The following CCND3 variants were observed in gnomAD, a reference collection of about 807,000 sequenced individuals.
CCND3 encodes the protein G1/S-specific cyclin-D3.
CCND3 carries 9 observed loss-of-function variants against 28.7 expected under a neutral mutation model. The ratio of observed to expected loss-of-function variants is 0.31; its 90% CI spans 0.19 to 0.55. The LOEUF (loss-of-function observed/expected upper bound fraction) is 0.55, where lower values mean the gene tolerates loss of function less well. Ranked by LOEUF, CCND3 falls within the 20% of genes least tolerant of loss-of-function variation. The pLI is 0.93. For missense variants in CCND3, 315 were observed against 385.8 expected (o/e 0.82, Z 1.54); for synonymous variants, 164 against 163.9 (o/e 1.00, Z 0.00).
At chr6:41,979,194 C>CAAAAAA in intron 1 of CCND3, among the ~76,000 whole-genome samples, 1 of 77,442 alleles carries the variant, frequency 1.3e-5, no homozygotes. Flanking sequence ...AAAAAAAAAT[C>CAAAAAA]CTGACTTGTT....
At chr6:42,007,314 G>A (rs118103136) in intron 1 of CCND3, among the ~76,000 whole-genome samples, 2,700 of 152,322 alleles carry the variant, frequency 0.018, 54 homozygotes, top group South Asian at 0.073. Flanking sequence ...AAGGGAGGCT[G>A]GAATTTCACC....
intron 1 of CCND3, among the ~76,000 whole-genome samples, chr6:41,991,509 A>C (rs968156561): frequency 2.0e-5 from 3 of 152,234 alleles, no homozygotes; most frequent in African/African-American, 7.2e-5. Context: ...TATGGGGTAC[A>C]TAGTGATGTT....
intron 1 of CCND3, among the ~76,000 whole-genome samples, chr6:42,000,260 T>TTTTTTTTTTC (rs1450345205): frequency 8.0e-6 from 1 of 125,552 alleles, no homozygotes; most frequent in Non-Finnish European, 1.7e-5. Context: ...TTTTTTTTTT[T>TTTTTTTTTTC]TGGGACAGAG....
chr6:42,028,941 T>C, intron 1 of CCND3, among the ~76,000 whole-genome samples: 1 of 151,632 alleles, frequency 6.6e-6, no homozygotes, highest in Non-Finnish European at 1.5e-5. Context: ...CCAAACTTGG[T>C]TAATGCTCTG....
At chr6:42,022,088 T>C (rs1280854054) in intron 1 of CCND3, among the ~76,000 whole-genome samples, 1 of 152,158 alleles carries the variant, frequency 6.6e-6, no homozygotes, top group Non-Finnish European at 1.5e-5. Flanking sequence ...CTTGAAACAG[T>C]CGTGTGAGAT....
chr6:42,015,321 CGACA>C, intron 1 of CCND3, among the ~76,000 whole-genome samples: 1 of 152,096 alleles, frequency 6.6e-6, no homozygotes, highest in Non-Finnish European at 1.5e-5. Context: ...GCAGGGGAGT[CGACA>C]TTAGCTGAAT....
intron 1 of CCND3, among the ~76,000 whole-genome samples, chr6:41,953,091 G>A (rs371957577): frequency 3.3e-5 from 5 of 152,178 alleles, no homozygotes; most frequent in Middle Eastern, 3.4e-3. Flanking sequence ...GGCCGATATG[G>A]TGAAACCCTG....
chr6:42,030,912 T>C (rs1326287146), intron 1 of CCND3, among the ~76,000 whole-genome samples: 4 of 149,986 alleles, frequency 2.7e-5, no homozygotes, highest in African/African-American at 9.9e-5. Context: ...GAACACTGAG[T>C]GTGCGTGGAT....
At chr6:41,951,048 T>C (rs958866068) in intron 1 of CCND3, among the ~76,000 whole-genome samples, 1 of 152,020 alleles carries the variant, frequency 6.6e-6, no homozygotes, top group Non-Finnish European at 1.5e-5. Flanking sequence ...AAGTGCATGA[T>C]ATGATGATCC....
rs1306114338 is a variant in CCND3 at position 41,937,334 on chromosome 6, C to T, written c.475G>A (p.Asp159Asn). The change falls in exon 3 of 5, where the codon GAT (aspartate) becomes AAT (asparagine). Residue 159 changes from aspartate (D) to asparagine (N), a missense_variant. By Grantham distance (23) the Asp-to-Asn change is conservative (BLOSUM62 1). Transcript: ENST00000372991. ...KWDLAAVIAH[D>N]FLAFILHRLS... Reference sequence around the variant, plus strand: ...CGGTGCAGAATGAAGGCCAGGAAATCATGTGCAATCACAGCAGCCAGGTCC... The same window carrying T: ...CGGTGCAGAATGAAGGCCAGGAAATTATGTGCAATCACAGCAGCCAGGTCC... 3 of 1,614,190 alleles carry T rather than the reference C, an allele frequency of 1.9e-6. No homozygotes were observed. In the South Asian group the frequency reaches 3.3e-5, roughly 18 times the overall value.
At chr6:42,031,970 T>C (rs977594800) in intron 1 of CCND3, among the ~76,000 whole-genome samples, 1 of 152,102 alleles carries the variant, frequency 6.6e-6, no homozygotes, top group African/African-American at 2.4e-5. Flanking sequence ...TTTGTATTTT[T>C]AATAGAGACG....
At chr6:42,001,468 GA>G (rs1193263129) in intron 1 of CCND3, among the ~76,000 whole-genome samples, 2 of 125,356 alleles carry the variant, frequency 1.6e-5, no homozygotes, top group African/African-American at 5.9e-5. Context: ...TATACTAAGT[GA>G]AAGAAGCCAG....
At chr6:42,025,721 G>A (rs542174176) in intron 1 of CCND3, among the ~76,000 whole-genome samples, 3 of 152,324 alleles carry the variant, frequency 2.0e-5, no homozygotes, top group East Asian at 1.9e-4. Context: ...TGGGCTCTGA[G>A]TCACAAGGGT....
At position 41,999,693 on chromosome 6, in the gene CCND3, G is replaced by C. The variant is rs185940975; in HGVS notation, c.-46+48808C>G. Among the ~76,000 whole-genome samples, 360 of 152,202 alleles carry C rather than the reference G, an allele frequency of 2.4e-3. 3 individuals carry two copies. The highest frequency in any genetic ancestry group is 7.5e-3 in the African/African-American group (312 of 41,546). ...GAGGATCACTTGAGCCCAGGAGTTT[G>C]AGATCAGCCTGTCAACATAGTGAGA... is the stretch of plus-strand genomic sequence containing the variant. On this transcript the variant is annotated intron_variant, in intron 1 of 4. Transcript: ENST00000372988.
In CCND3 at chr6:41,935,602, G is replaced by T. The variant is rs918586914; in HGVS notation, c.*338C>A. The T allele has an allele frequency of 4.3e-5, 20 of 463,970 alleles. No homozygotes were observed. The highest frequency in any genetic ancestry group is 3.7e-4 in the African/African-American group (18 of 48,734). 28.7% of individuals were successfully genotyped at this position (463,970 alleles called of 1,614,324 possible). A position where few individuals can be genotyped will look rare whatever the true frequency, so the allele number is the denominator to read the frequency against. On this transcript the variant is annotated 3_prime_UTR_variant, in exon 5 of 5. Coordinates refer to ENST00000372991, the MANE Select transcript of CCND3 (RefSeq NM_001760.5). ...AGAGCATTTTGGCAGTTGAAAACAT[G>T]AGAGCCCCCAGGGGTGGGGGGGGGC...
At chr6:42,001,219 A>G (rs1039604769) in intron 1 of CCND3, among the ~76,000 whole-genome samples, 30 of 134,992 alleles carry the variant, frequency 2.2e-4, no homozygotes, top group African/African-American at 8.2e-4. Flanking sequence ...TGGGCAACAG[A>G]GCAAGACCCC....
chr6:41,993,535 T>G (rs1398352167), intron 1 of CCND3, among the ~76,000 whole-genome samples: 1 of 150,986 alleles, frequency 6.6e-6, no homozygotes, highest in Non-Finnish European at 1.5e-5. Flanking sequence ...CCTCAGCCTC[T>G]GGAGTAACTG....
chr6:42,003,614 A>G lies in CCND3; in HGVS notation c.-46+44887T>C, dbSNP rs145805239. Reference sequence around the variant, plus strand: ...ATAAAACAATAAAAGCAGAGGAATAATGAGACAGAAAATAAACAGTAGAAA... The same window carrying G: ...ATAAAACAATAAAAGCAGAGGAATAGTGAGACAGAAAATAAACAGTAGAAA... On this transcript the variant is annotated intron_variant, in intron 1 of 4. Transcript: ENST00000372988. Among the ~76,000 whole-genome samples the G allele has an allele frequency of 2.5e-3, 372 of 151,510 alleles. 2 individuals are homozygous for G. The highest frequency in any genetic ancestry group is 8.7e-3 in the African/African-American group (361 of 41,338).
intron 1 of CCND3, among the ~76,000 whole-genome samples, chr6:41,991,843 C>T (rs182443636): frequency 5.0e-4 from 76 of 152,246 alleles, no homozygotes; most frequent in African/African-American, 1.1e-3. Context: ...TGAGAACATG[C>T]GGTGTTTAAC....
Sources: allele counts gnomAD v4.1 joint callset (sites outside exome capture counted in the v4.1 genomes callset), GRCh38; gene constraint gnomAD v4.1.1; transcripts MANE v1.5; gene names NCBI Gene and HGNC (gene_info 2026-07-23, HGNC 2026-07-21).